The following CSGALNACT1 variants were observed in gnomAD, a reference collection of about 807,000 sequenced individuals.
CSGALNACT1 encodes beta4GalNAcT-1.
CSGALNACT1 carries 52 observed loss-of-function variants against 51.0 expected under a neutral mutation model. The ratio of observed to expected loss-of-function variants is 1.02; its 90% CI spans 0.82 to 1.29. CSGALNACT1 has a LOEUF of 1.29. CSGALNACT1 is among the 50% of genes most tolerant of loss of function. The pLI, the probability that CSGALNACT1 is intolerant of heterozygous loss-of-function variation, is 0.00. For synonymous variants in CSGALNACT1, 341 were observed against 254.4 expected (o/e 1.34, Z -3.24); for missense variants, 935 against 679.2 (o/e 1.38, Z -4.19).
At chr8:19,735,256 C>T (rs571447253) in intron 1 of CSGALNACT1, among the ~76,000 whole-genome samples, 4 of 152,280 alleles carry the variant, frequency 2.6e-5, no homozygotes, top group South Asian at 4.1e-4. Context: ...CTCCTTCACA[C>T]AGGTATAGGC....
intron 1 of CSGALNACT1, among the ~76,000 whole-genome samples, chr8:19,656,381 C>CA (rs995351217): frequency 1.6e-4 from 24 of 151,430 alleles, no homozygotes; most frequent in African/African-American, 5.6e-4. Flanking sequence ...AACCTCAAGC[C>CA]AAAAAAAATA....
At chr8:19,651,473 T>C (rs1273921384) in intron 1 of CSGALNACT1, among the ~76,000 whole-genome samples, 4 of 152,222 alleles carry the variant, frequency 2.6e-5, no homozygotes, top group Admixed American at 2.6e-4. Flanking sequence ...TGTTCATGTG[T>C]ACTCAACGTT....
intron 1 of CSGALNACT1, among the ~76,000 whole-genome samples, chr8:19,609,316 A>G (rs1448510708): frequency 6.7e-6 from 1 of 149,048 alleles, no homozygotes; most frequent in African/African-American, 2.5e-5. Context: ...TATTGCCCTC[A>G]GGGATCCTAC....
At chr8:19,574,439 C>G (rs1396617059) in intron 3 of CSGALNACT1, among the ~76,000 whole-genome samples, 1 of 152,184 alleles carries the variant, frequency 6.6e-6, no homozygotes, top group Non-Finnish European at 1.5e-5. Flanking sequence ...CAGACAGAAC[C>G]AAAAAGCTAT....
chr8:19,468,348 G>C (rs577346356), intron 4 of CSGALNACT1, among the ~76,000 whole-genome samples: 2 of 152,166 alleles, frequency 1.3e-5, no homozygotes, highest in African/African-American at 4.8e-5. Flanking sequence ...AGACACGAAT[G>C]GGGGGATGGG....
chr8:19,664,636 C>A (rs1188753923), intron 1 of CSGALNACT1, among the ~76,000 whole-genome samples: 5 of 139,376 alleles, frequency 3.6e-5, no homozygotes, highest in Non-Finnish European at 6.4e-5. Context: ...TACACACACA[C>A]AAACACACAA....
intron 1 of CSGALNACT1, among the ~76,000 whole-genome samples, chr8:19,690,960 C>A (rs1047768764): frequency 6.6e-6 from 1 of 152,166 alleles, no homozygotes; most frequent in East Asian, 1.9e-4. Flanking sequence ...GGCACTGTGG[C>A]TCATGTCTGT....
intron 4 of CSGALNACT1, among the ~76,000 whole-genome samples, chr8:19,473,207 G>A (rs765927504): frequency 6.6e-6 from 1 of 152,230 alleles, no homozygotes; most frequent in East Asian, 1.9e-4. Flanking sequence ...ATTAGCATAT[G>A]TAATATTCGG....
chr8:19,547,487 G>A (rs985650233), intron 3 of CSGALNACT1, among the ~76,000 whole-genome samples: 9 of 152,098 alleles, frequency 5.9e-5, no homozygotes, highest in East Asian at 5.8e-4. Context: ...TAAGTCTCAC[G>A]AGATCTAGTG....
chr8:19,668,361 A>AC (rs768350839), intron 1 of CSGALNACT1, among the ~76,000 whole-genome samples: 1 of 135,768 alleles, frequency 7.4e-6, no homozygotes, highest in African/African-American at 2.8e-5. Flanking sequence ...CACACACACA[A>AC]CTTTATCAAA....
Position 19,490,488 on chromosome 8 carries a change from C to A in CSGALNACT1, c.634+14713G>T, listed in dbSNP as rs188969942. ...GGAAAAAAGAAAGCATCATAAGATG[C>A]CACCAGGAAAGGGACTCTGACGGAG... On this transcript the variant is annotated intron_variant, in intron 4 of 9. Transcript: ENST00000454498. Among the ~76,000 whole-genome samples, 8 of 152,304 alleles carry A rather than the reference C, an allele frequency of 5.3e-5. No homozygotes were observed. In the East Asian group the frequency reaches 1.5e-3, roughly 29 times the overall value.
chr8:19,413,705 C>T (rs2056334910), intron 8 of CSGALNACT1, among the ~76,000 whole-genome samples: 1 of 152,190 alleles, frequency 6.6e-6, no homozygotes, highest in African/African-American at 2.4e-5. Flanking sequence ...ATGCTATGCA[C>T]ACACTGAACA....
intron 4 of CSGALNACT1, among the ~76,000 whole-genome samples, chr8:19,484,436 A>C (rs2072333542): frequency 6.6e-6 from 1 of 152,180 alleles, no homozygotes; most frequent in South Asian, 2.1e-4. Context: ...TATTTATTTT[A>C]ATTTATAAAG....
intron 4 of CSGALNACT1, among the ~76,000 whole-genome samples, chr8:19,459,527 A>T (rs1177752142): frequency 6.6e-6 from 1 of 152,120 alleles, no homozygotes; most frequent in Non-Finnish European, 1.5e-5. Context: ...TAGAAGCATT[A>T]AAATAACACA....
intron 3 of CSGALNACT1, among the ~76,000 whole-genome samples, chr8:19,525,159 C>G (rs2081417483): frequency 6.6e-6 from 1 of 152,210 alleles, no homozygotes; most frequent in Non-Finnish European, 1.5e-5. Flanking sequence ...GCCTGGCTCT[C>G]CTTCCAGGGC....
intron 5 of CSGALNACT1, among the ~76,000 whole-genome samples, chr8:19,440,992 C>T (rs916170934): frequency 2.6e-5 from 4 of 152,108 alleles, no homozygotes; most frequent in Admixed American, 6.5e-5. Context: ...AATAAAATAC[C>T]TAGGAATCCA....
At chr8:19,486,468 C>T (rs547794669) in intron 4 of CSGALNACT1, among the ~76,000 whole-genome samples, 4 of 152,328 alleles carry the variant, frequency 2.6e-5, no homozygotes, top group Admixed American at 2.6e-4. Flanking sequence ...ATGCCCCTCC[C>T]CTACTTCTCA....
chr8:19,628,070 C>T (rs916822340), intron 1 of CSGALNACT1, among the ~76,000 whole-genome samples: 2 of 152,176 alleles, frequency 1.3e-5, no homozygotes, highest in Non-Finnish European at 2.9e-5. Flanking sequence ...TTGTTGAGCA[C>T]TGTGTGCTGA....
At chr8:19,711,064 A>G (rs369922322) in intron 1 of CSGALNACT1, among the ~76,000 whole-genome samples, 2 of 152,102 alleles carry the variant, frequency 1.3e-5, no homozygotes, top group Non-Finnish European at 2.9e-5. Flanking sequence ...ACCTTTACAT[A>G]TTCATTTTTT....
Sources: gnomAD v4.1 joint callset for allele counts (sites outside exome capture counted in the v4.1 genomes callset) on GRCh38, gnomAD v4.1.1 for gene constraint, MANE v1.5 for transcripts, NCBI Gene and HGNC (gene_info 2026-07-23, HGNC 2026-07-21) for gene names.